Variants in SMYD3 observed in about 807,000 individuals in gnomAD.
SMYD3 encodes histone-lysine N-methyltransferase SMYD3.
A neutral mutation model predicts 57.7 loss-of-function variants in SMYD3; 36 were observed. The observed-to-expected ratio is 0.62, with a 90% CI of 0.48 to 0.82. The LOEUF is 0.82. SMYD3 is among the 40% of genes least tolerant of loss of function. The probability of loss-of-function intolerance (pLI) is 0.00; values close to 1 mark genes in which losing one functional copy is unlikely to be tolerated. For missense variants in SMYD3, 515 were observed against 538.8 expected (o/e 0.96, Z 0.44); for synonymous variants, 211 against 195.0 (o/e 1.08, Z -0.68).
At chr1:246,325,031 G>A (rs1195896734) in intron 5 of SMYD3, among the ~76,000 whole-genome samples, 1 of 72,346 alleles carries the variant, frequency 1.4e-5, no homozygotes, top group African/African-American at 5.6e-5. Flanking sequence ...GGGAAGGAGG[G>A]AGAAGGAGTC....
At chr1:246,480,183 CT>C (rs1233158501) in intron 1 of SMYD3, among the ~76,000 whole-genome samples, 1 of 152,146 alleles carries the variant, frequency 6.6e-6, no homozygotes, top group East Asian at 1.9e-4. Context: ...AGAGTTGTGT[CT>C]GCCTTGTTTT....
intron 10 of SMYD3, among the ~76,000 whole-genome samples, chr1:245,773,539 G>A (rs933232476): frequency 6.6e-6 from 1 of 152,206 alleles, no homozygotes; most frequent in African/African-American, 2.4e-5. Context: ...GCGCAGGGGT[G>A]AGGACTGGCC....
intron 5 of SMYD3, among the ~76,000 whole-genome samples, chr1:246,049,987 T>C (rs1396884396): frequency 6.6e-6 from 1 of 152,228 alleles, no homozygotes; most frequent in Non-Finnish European, 1.5e-5. Context: ...AAGTTGACTA[T>C]AATATCAAAA....
chr1:245,947,527 G>A, intron 5 of SMYD3: 2 of 410,584 alleles, frequency 4.9e-6, no homozygotes, highest in Non-Finnish European at 5.0e-6. Flanking sequence ...TGTGTTAAAT[G>A]TGCCTGCATT....
Position 245,907,407 on chromosome 1 carries a change from C to T in SMYD3, c.813+8123G>A, listed in dbSNP as rs185054374. Among the ~76,000 whole-genome samples, 573 of 152,102 alleles carry T rather than the reference C, an allele frequency of 3.8e-3. 5 individuals carry two copies. The highest frequency in any genetic ancestry group is 0.013 in the African/African-American group (554 of 41,500). ...TTAAAGTCAGAGAAAACCTATTTAA[C>T]GAAATAACAGCCAAAACCAAAGGAA... On this transcript the variant is annotated intron_variant, in intron 8 of 11. Coordinates refer to ENST00000490107, the MANE Select transcript of SMYD3 (RefSeq NM_001167740.2).
chr1:246,196,935 G>A (rs143343692), intron 5 of SMYD3, among the ~76,000 whole-genome samples: 2 of 147,912 alleles, frequency 1.4e-5, no homozygotes, highest in Admixed American at 1.4e-4. Flanking sequence ...ATATGAGCAG[G>A]AAACATAAAA....
At chr1:245,832,837 T>G (rs1246796361) in intron 10 of SMYD3, among the ~76,000 whole-genome samples, 1 of 152,182 alleles carries the variant, frequency 6.6e-6, no homozygotes, top group Admixed American at 6.5e-5. Context: ...TTGTTTCATA[T>G]TTTCCTTAAT....
At chr1:246,255,935 TAGA>T (rs1558353919) in intron 5 of SMYD3, among the ~76,000 whole-genome samples, 1 of 67,762 alleles carries the variant, frequency 1.5e-5, no homozygotes, top group Non-Finnish European at 3.2e-5. Flanking sequence ...ATAAGATAGA[TAGA>T]TAGATAGATA....
At chr1:245,888,659 C>A (rs1316437124) in intron 8 of SMYD3, among the ~76,000 whole-genome samples, 5 of 152,210 alleles carry the variant, frequency 3.3e-5, no homozygotes, top group Non-Finnish European at 7.3e-5. Flanking sequence ...GACTTTCTGA[C>A]AAACCACTTA....
chr1:246,299,154 C>A (rs770007354), intron 5 of SMYD3, among the ~76,000 whole-genome samples: 7 of 152,096 alleles, frequency 4.6e-5, no homozygotes, highest in Admixed American at 2.0e-4. Context: ...TACTGATGTT[C>A]CCTACAGTGG....
intron 5 of SMYD3, among the ~76,000 whole-genome samples, chr1:246,139,546 C>T (rs1243656111): frequency 6.6e-6 from 1 of 152,174 alleles, no homozygotes; most frequent in Non-Finnish European, 1.5e-5. Flanking sequence ...TGTCAATTCA[C>T]AGCAAAACAA....
rs1410314397 is a variant in SMYD3, at chr1:246,328,931, A to T, written c.394+1549T>A. ...GTTCAATTCCCACCTACGAGTGAGA[A>T]TATGCGGTGTTTGGTTTTTTGTCCT... On this transcript the variant is annotated intron_variant, in intron 4 of 11. Transcript: ENST00000490107. Among the ~76,000 whole-genome samples, 25 of 151,908 alleles carry T rather than the reference A, an allele frequency of 1.6e-4. No homozygotes were observed. The East Asian group carries it at 4.3e-3, about 26-fold the overall frequency.
chr1:246,076,870 T>C lies in SMYD3; in HGVS notation c.532-146933A>G, dbSNP rs559844960. 3.9e-4 allele frequency among the ~76,000 whole-genome samples: 59 copies of C among 152,356 alleles called. 2 individuals carry two copies. In the South Asian group the frequency reaches 0.012, roughly 32 times the overall value. On this transcript the variant is annotated intron_variant, in intron 5 of 11. Transcript: ENST00000490107. ...AGACGAGATAAATAAGATGGCCCCT[T>C]ATCGTCTAAGACTTAAGTAAAATAC...
At chr1:246,259,483 A>T (rs7417739) in intron 5 of SMYD3, among the ~76,000 whole-genome samples, 31,569 of 151,014 alleles carry the variant, frequency 0.21, 3,994 homozygotes, top group East Asian at 0.58. Context: ...GGTAAGATCT[A>T]TTTGTTTTGC....
rs1340538306 is a variant in SMYD3 at position 245,881,959 on chromosome 1, G to A, written c.814-18073C>T. Among the ~76,000 whole-genome samples the A allele has an allele frequency of 2.0e-5, 3 of 152,208 alleles. No individual in the cohort carries two copies. In the East Asian group the frequency reaches 5.8e-4, roughly 29 times the overall value. ...TGAGCCGAGACTGGTAGGGTGAACAGGAGCCAGGCCGCACAGGGGCCTGCT... is the reference window on the plus strand; with the variant it reads ...TGAGCCGAGACTGGTAGGGTGAACAAGAGCCAGGCCGCACAGGGGCCTGCT... On this transcript the variant is annotated intron_variant, in intron 8 of 11. Coordinates refer to ENST00000490107, the MANE Select transcript of SMYD3 (RefSeq NM_001167740.2).
At chr1:246,192,827 G>A (rs932036141) in intron 5 of SMYD3, among the ~76,000 whole-genome samples, 1 of 151,818 alleles carries the variant, frequency 6.6e-6, no homozygotes, top group African/African-American at 2.4e-5. Flanking sequence ...AAGGAGAACA[G>A]TAAGTCCTCC....
At chr1:246,182,967 AC>A (rs2062577724) in intron 5 of SMYD3, among the ~76,000 whole-genome samples, 1 of 152,226 alleles carries the variant, frequency 6.6e-6, no homozygotes, top group Non-Finnish European at 1.5e-5. Context: ...CATAGAGAAG[AC>A]ACAGTTAGCA....
At chr1:246,209,968 G>T (rs926471641) in intron 5 of SMYD3, among the ~76,000 whole-genome samples, 10 of 152,112 alleles carry the variant, frequency 6.6e-5, no homozygotes, top group Admixed American at 2.6e-4. Context: ...ATCTTATCTG[G>T]TAACTCTGTC....
rs759457541 is a variant in SMYD3 at position 246,263,735 on chromosome 1, G to C, written c.531+63466C>G. The stretch of plus-strand genomic sequence containing the variant: ...CAAATTATGCCTTTTCATTTTCAAA[G>C]GATAATACCAATTCCTTCCAAAGGC... On this transcript the variant is annotated intron_variant, in intron 5 of 11. Transcript: ENST00000490107. 4.6e-5 allele frequency among the ~76,000 whole-genome samples: 7 copies of C among 152,198 alleles called. No homozygotes were observed. The South Asian group carries it at 6.2e-4, about 14-fold the overall frequency.
Sources: allele counts gnomAD v4.1 joint callset (sites outside exome capture counted in the v4.1 genomes callset), GRCh38; gene constraint gnomAD v4.1.1; transcripts MANE v1.5; gene names NCBI Gene and HGNC (gene_info 2026-07-23, HGNC 2026-07-21).